The following FARP1 variants were observed in gnomAD, a reference collection of about 807,000 sequenced individuals.
The protein encoded by FARP1 is FERM, ARHGEF and pleckstrin domain-containing protein 1.
A neutral mutation model predicts 128.8 loss-of-function variants in FARP1; 52 were observed. The ratio of observed to expected loss-of-function variants is 0.40; its 90% CI spans 0.32 to 0.51. FARP1 has a LOEUF of 0.51. Ranked by LOEUF, FARP1 falls within the 20% of genes least tolerant of loss-of-function variation. The pLI is 0.45. For missense variants in FARP1, 1,333 were observed against 1,367.9 expected (o/e 0.97, Z 0.40); for synonymous variants, 580 against 551.8 (o/e 1.05, Z -0.72).
intron 2 of FARP1, among the ~76,000 whole-genome samples, chr13:98,330,193 A>G (rs1294479788): frequency 6.6e-6 from 1 of 152,140 alleles, no homozygotes; most frequent in African/African-American, 2.4e-5. Flanking sequence ...GGAGTGAGCC[A>G]GAGGGAGGAC....
At chr13:98,384,538 G>A in intron 6 of FARP1, 192 bp from the exon 7 acceptor site, 2 of 594,614 alleles carry the variant, frequency 3.4e-6, no homozygotes, top group South Asian at 4.2e-5. Context: ...GGAGAAAACT[G>A]TCTTCTCACA....
At chr13:98,276,924 TAC>T (rs148279663) in intron 2 of FARP1, among the ~76,000 whole-genome samples, 6,208 of 152,296 alleles carry the variant, frequency 0.041, 418 homozygotes, top group African/African-American at 0.14. Flanking sequence ...GCTGTTCATA[TAC>T]AGGATTATTT....
intron 2 of FARP1, among the ~76,000 whole-genome samples, chr13:98,327,795 G>T (rs746460696): frequency 6.6e-6 from 1 of 152,152 alleles, no homozygotes; most frequent in Admixed American, 6.5e-5. Context: ...TCTCATAAAG[G>T]GTCGCAGCCT....
rs532004766 is a variant in FARP1 at position 98,440,583 on chromosome 13, CCCCCAACCTTCCAGCA to C, written c.2630-84_2630-69del. ...ACCACAGGTTGTGACTGCTGTGAGC[CCCCCAACCTTCCAGCA>C]CCTCAGAGTGTATCAGGAAGGGGCG... On this transcript the variant is annotated intron_variant, in intron 23 of 26. Coordinates refer to ENST00000319562, the MANE Select transcript of FARP1 (RefSeq NM_005766.4). 124 of 1,392,840 alleles carry C rather than the reference CCCCCAACCTTCCAGCA, an allele frequency of 8.9e-5. 1 individual carries two copies. The East Asian group carries it at 1.0e-3, about 12-fold the overall frequency. 86.3% of individuals were successfully genotyped at this position (1,392,840 alleles called of 1,614,324 possible). A position where few individuals can be genotyped will look rare whatever the true frequency, so the allele number is the denominator to read the frequency against.
At chr13:98,269,677 G>A (rs376003959) in intron 2 of FARP1, among the ~76,000 whole-genome samples, 1 of 152,204 alleles carries the variant, frequency 6.6e-6, no homozygotes, top group East Asian at 1.9e-4. Context: ...CTTGTTGTTT[G>A]TCAAGGAAGG....
chr13:98,402,012 A>G (rs1188149556), intron 13 of FARP1: 2 of 152,078 alleles, frequency 1.3e-5, no homozygotes, highest in Non-Finnish European at 2.9e-5. Flanking sequence ...GGTTACTCTG[A>G]TTTGTCTTGG....
intron 2 of FARP1, among the ~76,000 whole-genome samples, chr13:98,275,528 T>C (rs1296679690): frequency 1.3e-5 from 2 of 151,856 alleles, no homozygotes; most frequent in East Asian, 3.9e-4. Flanking sequence ...AAAGGCAAAA[T>C]CTGACAAGCT....
chr13:98,371,558 C>CTT (rs35886894), intron 5 of FARP1, among the ~76,000 whole-genome samples: 11 of 149,992 alleles, frequency 7.3e-5, no homozygotes, highest in East Asian at 2.0e-4. Flanking sequence ...GAAATTCCTA[C>CTT]TTTTTTTTTT....
At chr13:98,199,614 G>T (rs548782114) in intron 1 of FARP1, among the ~76,000 whole-genome samples, 37 of 152,266 alleles carry the variant, frequency 2.4e-4, no homozygotes, top group African/African-American at 8.7e-4. Flanking sequence ...GCAAGGGTTG[G>T]GTGCTTTCTA....
At chr13:98,389,306 A>G (rs926666476) in intron 9 of FARP1, among the ~76,000 whole-genome samples, 1 of 152,204 alleles carries the variant, frequency 6.6e-6, no homozygotes, top group African/African-American at 2.4e-5. Context: ...AGATCCCCCA[A>G]AATAGTTAGA....
chr13:98,260,436 C>T (rs532992327), intron 2 of FARP1, among the ~76,000 whole-genome samples: 1 of 152,302 alleles, frequency 6.6e-6, no homozygotes, highest in African/African-American at 2.4e-5. Flanking sequence ...TCAGCTTCAT[C>T]CTCACTGAGT....
At chr13:98,201,543 A>G (rs1879947584) in intron 1 of FARP1, among the ~76,000 whole-genome samples, 1 of 152,218 alleles carries the variant, frequency 6.6e-6, no homozygotes, top group African/African-American at 2.4e-5. Flanking sequence ...AGTTGAAAGG[A>G]GAGACATCAT....
intron 2 of FARP1, among the ~76,000 whole-genome samples, chr13:98,220,861 T>TG (rs1220262925): frequency 2.0e-5 from 3 of 151,144 alleles, no homozygotes; most frequent in South Asian, 2.1e-4. Context: ...ATTTTATCCC[T>TG]GAAAAAAAAA....
At chr13:98,439,593 C>T (rs1380646801) in intron 21 of FARP1, among the ~76,000 whole-genome samples, 1 of 152,208 alleles carries the variant, frequency 6.6e-6, no homozygotes, top group Non-Finnish European at 1.5e-5. Context: ...CTCCCTGGAG[C>T]TGGGCCAGCC....
chr13:98,259,696 A>C (rs1156933844), intron 2 of FARP1, among the ~76,000 whole-genome samples: 1 of 152,036 alleles, frequency 6.6e-6, no homozygotes, highest in Non-Finnish European at 1.5e-5. Context: ...TTTTTTTCCA[A>C]GATGGTTGCT....
chr13:98,443,896 G>C (rs1307622084), intron 24 of FARP1, among the ~76,000 whole-genome samples: 1 of 152,296 alleles, frequency 6.6e-6, no homozygotes, highest in Non-Finnish European at 1.5e-5. Context: ...GGAAGGGACA[G>C]TGAGGCCAGG....
chr13:98,304,734 A>T (rs1886066640), intron 2 of FARP1, among the ~76,000 whole-genome samples: 1 of 152,238 alleles, frequency 6.6e-6, no homozygotes, highest in Admixed American at 6.5e-5. Flanking sequence ...GCCAAAAGAC[A>T]TTTATTTCTC....
chr13:98,313,215 T>TA (rs1369869941), intron 2 of FARP1, among the ~76,000 whole-genome samples: 5 of 104,776 alleles, frequency 4.8e-5, no homozygotes, highest in Admixed American at 1.1e-4. Context: ...CACACACACA[T>TA]ACACTCTGGA....
intron 10 of FARP1, 104 bp downstream of exon 10, chr13:98,390,224 G>A: frequency 7.8e-7 from 1 of 1,275,530 alleles, no homozygotes; most frequent in Non-Finnish European, 1.1e-6. Context: ...AACGCTCATT[G>A]GCCTCCAGGA....
Sources: gnomAD v4.1 joint callset for allele counts (sites outside exome capture counted in the v4.1 genomes callset) on GRCh38, gnomAD v4.1.1 for gene constraint, MANE v1.5 for transcripts, NCBI Gene and HGNC (gene_info 2026-07-23, HGNC 2026-07-21) for gene names.